PCDHA9: variants seen among roughly 807,000 people sequenced by gnomAD.
The protein encoded by PCDHA9 is protocadherin alpha-9.
A neutral mutation model predicts 62.0 loss-of-function variants in PCDHA9; 62 were observed. That is an observed-to-expected ratio of 1.00 (90% CI 0.81 to 1.23). PCDHA9 has a LOEUF of 1.23. Ranked by LOEUF, PCDHA9 falls within the 50% of genes most tolerant of loss-of-function variation. The pLI, the probability that PCDHA9 is intolerant of heterozygous loss-of-function variation, is 0.00. For synonymous variants in PCDHA9, 557 were observed against 567.6 expected (o/e 0.98, Z 0.27); for missense variants, 1,205 against 1,249.8 (o/e 0.96, Z 0.54).
intron 1 of PCDHA9, chr5:140,875,916 G>GC: frequency 6.2e-7 from 1 of 1,614,086 alleles, no homozygotes. Context: ...CTGCGCCTCT[G>GC]GACTCTCATT....
At chr5:140,982,074 T>TAGAGAACCTAGGAACA (rs1554243726) in intron 2 of PCDHA9, among the ~76,000 whole-genome samples, 1 of 151,090 alleles carries the variant, frequency 6.6e-6, no homozygotes, top group Non-Finnish European at 1.5e-5. Flanking sequence ...TTCTTTAGAG[T>TAGAGAACCTAGGAACA]AGAGAACCTA....
At position 140,894,452 on chromosome 5, in the gene PCDHA9, A is replaced by G. The variant is rs555452172; in HGVS notation, c.2394+43563A>G. On this transcript the variant is annotated intron_variant, in intron 1 of 3. Coordinates refer to ENST00000532602, the MANE Select transcript of PCDHA9 (RefSeq NM_031857.2). ...ATCCTACCTAGCTCTTTTTTAAAAA[A>G]TATTTTACTTTTTATTCTTGTTTTC... 3.9e-5 allele frequency among the ~76,000 whole-genome samples: 6 copies of G among 152,050 alleles called. No homozygotes were observed. In the East Asian group the frequency reaches 9.6e-4, roughly 24 times the overall value.
At chr5:140,969,241 A>G (rs1554231627) in intron 1 of PCDHA9, 2 of 1,614,230 alleles carry the variant, frequency 1.2e-6, no homozygotes, top group Admixed American at 3.3e-5. Context: ...CCCAAGCAGC[A>G]GTGACTGACA....
intron 1 of PCDHA9, among the ~76,000 whole-genome samples, chr5:140,956,151 C>A (rs1193859248): frequency 6.6e-6 from 1 of 152,156 alleles, no homozygotes; most frequent in African/African-American, 2.4e-5. Flanking sequence ...CTTTCTCTTT[C>A]CTAATTGCCA....
chr5:140,953,074 C>T (rs929530454), intron 1 of PCDHA9, among the ~76,000 whole-genome samples: 1 of 152,204 alleles, frequency 6.6e-6, no homozygotes, highest in Non-Finnish European at 1.5e-5. Flanking sequence ...CCATCTCCAA[C>T]ATTGGGGATT....
chr5:140,935,870 T>C (rs1486682424), intron 1 of PCDHA9, among the ~76,000 whole-genome samples: 1 of 151,620 alleles, frequency 6.6e-6, no homozygotes, highest in East Asian at 1.9e-4. Context: ...TAGCAATTAA[T>C]GAGCTCCAAT....
At chr5:140,880,349 TGAATTTA>T in intron 1 of PCDHA9, among the ~76,000 whole-genome samples, 1 of 152,224 alleles carries the variant, frequency 6.6e-6, no homozygotes, top group East Asian at 1.9e-4. Flanking sequence ...AGGCAGCAGG[TGAATTTA>T]GATGAAAACC....
rs782609302 is a variant in PCDHA9 at position 140,875,595 on chromosome 5, C to T, written c.2394+24706C>T. The T allele has an allele frequency of 6.2e-6, 10 of 1,613,842 alleles. No individual in the cohort carries two copies. The African/African-American group carries it at 8.0e-5, about 13-fold the overall frequency. ...ACTCCGTCTACGAGGAGGCCAAACA[C>T]GGCACCTTCGTGGGCCGCATCGCTC... On this transcript the variant is annotated intron_variant, in intron 1 of 3. Transcript: ENST00000532602.
intron 2 of PCDHA9, among the ~76,000 whole-genome samples, chr5:140,979,467 ATTG>A (rs1219222898): frequency 6.6e-6 from 1 of 151,680 alleles, no homozygotes; most frequent in Non-Finnish European, 1.5e-5. Context: ...ATTGATTGCT[ATTG>A]TTGTTTGTGT....
intron 3 of PCDHA9, among the ~76,000 whole-genome samples, chr5:141,004,888 G>C (rs555046086): frequency 2.0e-5 from 3 of 152,132 alleles, no homozygotes; most frequent in Admixed American, 6.5e-5. Flanking sequence ...GTGCTATTGT[G>C]TCAGCTCTGC....
chr5:140,967,415 C>T, intron 1 of PCDHA9: 1 of 1,613,142 alleles, frequency 6.2e-7, no homozygotes, highest in African/African-American at 1.3e-5. Flanking sequence ...GGGCCTAGAC[C>T]GGGAGCAGGC....
At chr5:140,873,141 C>A (rs1275722582) in intron 1 of PCDHA9, among the ~76,000 whole-genome samples, 3 of 152,064 alleles carry the variant, frequency 2.0e-5, no homozygotes, top group African/African-American at 7.2e-5. Flanking sequence ...TATGCTGAAG[C>A]CTATTCATAG....
At chr5:140,929,390 T>C in intron 1 of PCDHA9, 1 of 1,511,570 alleles carries the variant, frequency 6.6e-7, no homozygotes, top group Non-Finnish European at 8.8e-7. Flanking sequence ...TGTTTTGAAA[T>C]ATTTCTTAGA....
chr5:140,958,867 T>A (rs1312043891), intron 1 of PCDHA9, among the ~76,000 whole-genome samples: 1 of 152,146 alleles, frequency 6.6e-6, no homozygotes, highest in Admixed American at 6.5e-5. Context: ...ACTGGGTTTA[T>A]AAAAGAATTG....
At chr5:140,868,898 T>C (rs2050724806) in intron 1 of PCDHA9, 1 of 800,434 alleles carries the variant, frequency 1.2e-6, no homozygotes, top group African/African-American at 1.7e-5. Flanking sequence ...GCGCAAGGTG[T>C]CGCTCTTTAC....
At chr5:140,886,916 G>A (rs1170747823) in intron 1 of PCDHA9, among the ~76,000 whole-genome samples, 1 of 151,436 alleles carries the variant, frequency 6.6e-6, no homozygotes, top group Non-Finnish European at 1.5e-5. Flanking sequence ...CTTATTGAGT[G>A]TTCTCTATGT....
At chr5:140,972,471 G>A (rs1437633114) in intron 1 of PCDHA9, among the ~76,000 whole-genome samples, 6 of 151,998 alleles carry the variant, frequency 3.9e-5, no homozygotes, top group Non-Finnish European at 8.8e-5. Context: ...TTAAACATCA[G>A]CATTTAACCC....
chr5:140,982,507 G>T lies in PCDHA9; in HGVS notation c.2486G>T (p.Arg829Leu). Reference sequence around the variant, plus strand: ...CACCTAGAGGAGGCTGGCATTCTACGGGCTGGTCCAGGAGGGCCTGATCAG... The same window carrying T: ...CACCTAGAGGAGGCTGGCATTCTACTGGCTGGTCCAGGAGGGCCTGATCAG... The part of the protein sequence containing the change: ...SVHLEEAGIL[R>L]AGPGGPDQQW... The change falls in exon 3 of 4, where the codon CGG becomes CTG. Residue 829 changes from arginine to leucine, a missense_variant. Physicochemically the swap from Arg to Leu is moderately radical, Grantham distance 102. Coordinates refer to ENST00000532602, the MANE Select transcript of PCDHA9 (RefSeq NM_031857.2). 6.2e-7 allele frequency: 1 copy of T among 1,614,138 alleles called. No homozygotes were observed. Among genetic ancestry groups the T allele is most frequent in the Non-Finnish European group, 8.5e-7 (1 of 1,180,018 alleles).
chr5:140,884,384 G>T (rs782701367), intron 1 of PCDHA9: 1 of 1,613,972 alleles, frequency 6.2e-7, no homozygotes. Flanking sequence ...TGCCATCTGC[G>T]CGGTGTCCAG....
Sources: allele counts gnomAD v4.1 joint callset (sites outside exome capture counted in the v4.1 genomes callset), GRCh38; gene constraint gnomAD v4.1.1; transcripts MANE v1.5; gene names NCBI Gene and HGNC (gene_info 2026-07-23, HGNC 2026-07-21).